RIN3: variants seen among roughly 807,000 people sequenced by gnomAD.
RIN3 encodes the protein Ras and Rab interactor 3, also known as RAB5 interacting protein 3.
In RIN3, 54 loss-of-function variants were observed where a neutral mutation model predicts 76.3. The observed-to-expected ratio is 0.71, with a 90% CI of 0.57 to 0.89. The LOEUF (loss-of-function observed/expected upper bound fraction) is 0.89, where lower values mean the gene tolerates loss of function less well. Ranked by LOEUF, RIN3 falls within the 40% of genes least tolerant of loss-of-function variation. The probability of loss-of-function intolerance (pLI) is 0.00; values close to 1 mark genes in which losing one functional copy is unlikely to be tolerated. For synonymous variants in RIN3, 576 were observed against 564.0 expected, an observed-to-expected ratio of 1.02 and a Z score of -0.30; for missense variants, 1,256 against 1,322.1, an observed-to-expected ratio of 0.95 and a Z score of 0.78.
At chr14:92,598,967 T>G (rs1179874776) in intron 3 of RIN3, among the ~76,000 whole-genome samples, 4 of 152,014 alleles carry the variant, frequency 2.6e-5, no homozygotes, top group Admixed American at 2.6e-4. Flanking sequence ...TGAATAGAAG[T>G]GTCCTGTTTG....
chr14:92,659,087 T>C (rs1255083915), intron 6 of RIN3, 74 bp from the exon 7 acceptor site: 1 of 1,430,390 alleles, frequency 7.0e-7, no homozygotes, highest in Non-Finnish European at 9.8e-7. Flanking sequence ...ATGGCTGTGC[T>C]GTTGGGCAAC....
chr14:92,534,587 C>CA (rs5810601), intron 1 of RIN3, among the ~76,000 whole-genome samples: 72,517 of 134,070 alleles, frequency 0.54, 18,916 homozygotes, highest in Middle Eastern at 0.7. Flanking sequence ...GACTCCATCT[C>CA]AAAAAAAAAA....
At chr14:92,604,900 C>T (rs1300106994) in intron 3 of RIN3, among the ~76,000 whole-genome samples, 1 of 141,600 alleles carries the variant, frequency 7.1e-6, no homozygotes, top group Non-Finnish European at 1.5e-5. Flanking sequence ...TTTCCTTATC[C>T]ATTTTCCTCT....
At chr14:92,586,711 A>G (rs946053714) in intron 3 of RIN3, 24 of 152,364 alleles carry the variant, frequency 1.6e-4, no homozygotes, top group African/African-American at 5.8e-4. Context: ...GGAAGACAGT[A>G]TGACAGGCTT....
intron 4 of RIN3, among the ~76,000 whole-genome samples, chr14:92,640,852 C>T (rs139068119): frequency 6.6e-6 from 1 of 152,254 alleles, no homozygotes; most frequent in East Asian, 1.9e-4. Flanking sequence ...TGGGAGATGC[C>T]TGACTGTGTG....
At chr14:92,575,703 G>A (rs151250149) in intron 2 of RIN3, among the ~76,000 whole-genome samples, 1 of 152,098 alleles carries the variant, frequency 6.6e-6, no homozygotes, top group Non-Finnish European at 1.5e-5. Flanking sequence ...AATGAGCAGT[G>A]AGGACGACCA....
At chr14:92,600,803 AC>A (rs1885317107) in intron 3 of RIN3, among the ~76,000 whole-genome samples, 1 of 152,168 alleles carries the variant, frequency 6.6e-6, no homozygotes, top group Admixed American at 6.5e-5. Context: ...TGTCGTGTGG[AC>A]TGTCTTGGGC....
chr14:92,586,942 G>A (rs188361985), intron 3 of RIN3, among the ~76,000 whole-genome samples: 2 of 152,328 alleles, frequency 1.3e-5, no homozygotes, highest in African/African-American at 4.8e-5. Context: ...GATGTGTTAA[G>A]CTGAGTCCAC....
In RIN3 at chr14:92,685,459, A is replaced by G. The variant is rs1888819723; in HGVS notation, c.2631+309A>G. 3.4e-6 allele frequency: 1 copy of G among 295,576 alleles called. No individual in the cohort carries two copies. The highest frequency in any genetic ancestry group is 6.5e-6 in the Non-Finnish European group (1 of 154,814). The allele number at this position is 295,576 out of a possible 1,614,324, so 18.3% of individuals were successfully genotyped here. On this transcript the variant is annotated intron_variant, in intron 9 of 9. Coordinates refer to ENST00000216487, the MANE Select transcript of RIN3 (RefSeq NM_024832.5). This position sits in a 1 kb window ranked among gnomAD's most constrained non-coding sequence, Gnocchi z 4.7. Reference sequence around the variant, plus strand: ...CCCCTCCTAGGACCCAGCACCCTGCAGGGGCTGGAGATGGGGACTTGTCAT... The same window carrying G: ...CCCCTCCTAGGACCCAGCACCCTGCGGGGGCTGGAGATGGGGACTTGTCAT...
chr14:92,551,726 C>T (rs552836793), intron 1 of RIN3, among the ~76,000 whole-genome samples: 1 of 152,290 alleles, frequency 6.6e-6, no homozygotes, highest in Admixed American at 6.5e-5. Flanking sequence ...TTTTCACCTG[C>T]TTATTGTCCA....
intron 4 of RIN3, among the ~76,000 whole-genome samples, chr14:92,617,071 G>A (rs1252989497): frequency 2.6e-5 from 4 of 152,160 alleles, no homozygotes; most frequent in Admixed American, 6.5e-5. Context: ...GGCCGAGGCC[G>A]GTGGATCACT....
chr14:92,539,301 C>T (rs552599358), intron 1 of RIN3, among the ~76,000 whole-genome samples: 1 of 152,272 alleles, frequency 6.6e-6, no homozygotes, highest in African/African-American at 2.4e-5. Flanking sequence ...CGAATAAATA[C>T]TTACTGGGTG....
intron 5 of RIN3, chr14:92,650,850 C>G (rs367937564): frequency 6.6e-6 from 1 of 152,322 alleles, no homozygotes; most frequent in Non-Finnish European, 1.5e-5. Context: ...TAGAGAGGCA[C>G]GCACTGGAAC....
At chr14:92,687,723 G>A (rs1595513459) in intron 9 of RIN3, 2 of 543,036 alleles carry the variant, frequency 3.7e-6, no homozygotes, top group African/African-American at 4.1e-5. Flanking sequence ...TCCCAGAACT[G>A]TCGGCCCAGC....
Position 92,552,828 on chromosome 14 carries a change from C to T in RIN3, c.45-2923C>T, listed in dbSNP as rs749969202. The stretch of plus-strand genomic sequence containing the variant: ...ACCTATTTGCCTTGTTTATTGCCCG[C>T]CTCTTCCCCTAGAATGTAAATACCG... On this transcript the variant is annotated intron_variant, in intron 1 of 9. Coordinates refer to ENST00000216487, the MANE Select transcript of RIN3 (RefSeq NM_024832.5). 3.9e-5 allele frequency among the ~76,000 whole-genome samples: 6 copies of T among 151,972 alleles called. No homozygotes were observed. In the East Asian group the frequency reaches 1.2e-3, roughly 29 times the overall value.
At chr14:92,535,101 C>T (rs1175644853) in intron 1 of RIN3, among the ~76,000 whole-genome samples, 1 of 152,186 alleles carries the variant, frequency 6.6e-6, no homozygotes, top group East Asian at 1.9e-4. Flanking sequence ...GTTCAATTTA[C>T]GATTCCCCGA....
intron 3 of RIN3, among the ~76,000 whole-genome samples, chr14:92,609,280 C>G (rs773163958): frequency 1.3e-5 from 2 of 152,194 alleles, no homozygotes; most frequent in African/African-American, 4.8e-5. Flanking sequence ...CCCAGCATCT[C>G]TACCTGCCCC....
chr14:92,533,766 C>T (rs777491803), intron 1 of RIN3, among the ~76,000 whole-genome samples: 6 of 152,246 alleles, frequency 3.9e-5, no homozygotes, highest in South Asian at 2.1e-4. Context: ...TTGGGTACAG[C>T]GTATACTGCT....
intron 1 of RIN3, among the ~76,000 whole-genome samples, chr14:92,533,855 A>G (rs574539160): frequency 6.6e-6 from 1 of 152,342 alleles, no homozygotes. Flanking sequence ...TTGTTCCCCA[A>G]AAACTTACGG....
Sources: gnomAD v4.1 joint callset for allele counts (sites outside exome capture counted in the v4.1 genomes callset) on GRCh38, gnomAD v4.1.1 for gene constraint, Gnocchi (gnomAD v3.1) non-coding constraint, MANE v1.5 for transcripts, NCBI Gene and HGNC (gene_info 2026-07-23, HGNC 2026-07-21) for gene names.